The following DISP3 variants were observed in gnomAD, a reference collection of about 807,000 sequenced individuals.
DISP3 encodes the protein dispatched RND transporter family member 3.
Under a neutral mutation model 135.3 loss-of-function variants are expected in DISP3, and 101 were observed. The ratio of observed to expected loss-of-function variants is 0.75; its 90% CI spans 0.64 to 0.88. The LOEUF is 0.88. DISP3 is among the 40% of genes least tolerant of loss of function. DISP3 has a pLI of 0.00. For synonymous variants in DISP3, 856 were observed against 817.0 expected (o/e 1.05, Z -0.81); for missense variants, 1,713 against 1,878.6 (o/e 0.91, Z 1.63).
chr1:11,529,957 C>G lies in DISP3; in HGVS notation c.3100C>G (p.Pro1034Ala), dbSNP rs1198698179. The G allele has an allele frequency of 6.2e-7, 1 of 1,612,060 alleles. No homozygotes were observed. Among genetic ancestry groups the G allele is most frequent in the African/African-American group, 1.3e-5 (1 of 74,916 alleles). Residue 1034 changes from proline to alanine, a missense_variant and splice_region_variant, in exon 15 of 21, where the codon CCG becomes GCG. Around this residue, in one of 2 missense-constraint regions of DISP3, gnomAD observed 1,142 missense variants for 1,384.6 expected, o/e 0.82. Coordinates refer to ENST00000294484, the MANE Select transcript of DISP3 (RefSeq NM_020780.2). The surrounding 1 kb of genome is among the most constrained non-coding windows in gnomAD (Gnocchi z 4.7). ...RQVDNHVIGD[P>A]GSVVYDSSFD... Reference sequence around the variant, plus strand: ...GGTGGACAACCACGTCATTGGAGACCCGGTACGGGGCATGCGTCGGGCAGA... The same window carrying G: ...GGTGGACAACCACGTCATTGGAGACGCGGTACGGGGCATGCGTCGGGCAGA...
chr1:11,522,617 GACCCAGCCAGA>G lies in DISP3; in HGVS notation c.2363-1324_2363-1314del, dbSNP rs201389764. ...CAGGACCCAGCCAGAGCCCAGCCAG[GACCCAGCCAGA>G]GCCCAGCCAGAGCCCAGCCAGGGCC... On this transcript the variant is annotated intron_variant, in intron 10 of 20. Transcript: ENST00000294484. Among the ~76,000 whole-genome samples, 96 of 113,116 alleles carry G rather than the reference GACCCAGCCAGA, an allele frequency of 8.5e-4. 5 individuals are homozygous for G. The highest frequency in any genetic ancestry group is 4.1e-3 in the East Asian group (14 of 3,444). 74.2% of individuals were successfully genotyped at this position (113,116 alleles called of 152,430 possible). A position where few individuals can be genotyped will look rare whatever the true frequency, so the allele number is the denominator to read the frequency against.
At position 11,526,777 on chromosome 1, in the gene DISP3, C is replaced by A. The variant is rs374613319; in HGVS notation, c.2740C>A (p.Arg914=). ...MLTTLACDAK[R]GWKFDFSFYV... ...GACGACCTTGGCCTGTGATGCCAAG[C>A]GGGGCTGGAAGTTTGACTTCAGCTT... is the stretch of plus-strand genomic sequence containing the variant. Residue 914 remains arginine, a synonymous_variant, in exon 13 of 21, where the codon CGG becomes AGG. Coordinates refer to ENST00000294484, the MANE Select transcript of DISP3 (RefSeq NM_020780.2). 8.4e-5 allele frequency: 135 copies of A among 1,613,192 alleles called. No homozygotes were observed. In the African/African-American group the frequency reaches 1.6e-3, roughly 19 times the overall value.
rs774220295 is a variant in DISP3, at chr1:11,519,529, A to G, written c.2038+26A>G. The G allele has an allele frequency of 3.1e-6, 5 of 1,611,752 alleles. No individual in the cohort carries two copies. Among genetic ancestry groups the G allele is most frequent in the African/African-American group, 1.3e-5 (1 of 74,914 alleles). ...GTGAGAGCTGGCACAGGCCTGCCCT[A>G]CTGACCCCAGTGAGACCCAGCGCTG... On this transcript the variant is annotated intron_variant, in intron 8 of 20. Coordinates refer to ENST00000294484, the MANE Select transcript of DISP3 (RefSeq NM_020780.2). The surrounding 1 kb of genome is among the most constrained non-coding windows in gnomAD (Gnocchi z 4.3).
Position 11,533,689 on chromosome 1 carries a change from G to A in DISP3, c.3376-692G>A, listed in dbSNP as rs112668042. 1.0e-3 allele frequency: 701 copies of A among 679,428 alleles called. 3 individuals are homozygous for A. Among genetic ancestry groups the A allele is most frequent in the African/African-American group, 8.6e-3 (489 of 57,002 alleles). The allele number at this position is 679,428 out of a possible 1,614,324, so 42.1% of individuals were successfully genotyped here. ...AGTCCCCACTCAGGCTCACCACACG[G>A]CAAGGTGCCCGCTTCCAAGCTGACC... On this transcript the variant is annotated intron_variant, in intron 17 of 20. Transcript: ENST00000294484.
rs1281629948 is a variant in DISP3, at chr1:11,529,712, A to C, written c.2929+26A>C. 1 of 1,600,524 alleles carries C rather than the reference A, an allele frequency of 6.2e-7. No homozygotes were observed. The highest frequency in any genetic ancestry group is 2.2e-5 in the East Asian group (1 of 44,526). On this transcript the variant is annotated intron_variant, in intron 14 of 20. Coordinates refer to ENST00000294484, the MANE Select transcript of DISP3 (RefSeq NM_020780.2). The surrounding 1 kb of genome is among the most constrained non-coding windows in gnomAD (Gnocchi z 4.7). ...GTACGGCAAGGGCACACAGGTGGGG[A>C]CCTCAAGAGCTGAGACCTCGGGGCT...
intron 1 of DISP3, among the ~76,000 whole-genome samples, chr1:11,486,148 C>T (rs1010376812): frequency 2.0e-5 from 3 of 152,208 alleles, no homozygotes; most frequent in African/African-American, 7.2e-5. Flanking sequence ...ACGTTGCTGG[C>T]TTTCATCCAG....
chr1:11,486,420 G>A (rs540100232), intron 1 of DISP3, among the ~76,000 whole-genome samples: 1 of 152,262 alleles, frequency 6.6e-6, no homozygotes, highest in East Asian at 1.9e-4. Context: ...GGGGAAGCTG[G>A]GAAAAGGCTG....
chr1:11,509,891 G>A lies in DISP3; in HGVS notation c.1317-4499G>A, dbSNP rs576480620. Among the ~76,000 whole-genome samples, 4 of 152,246 alleles carry A rather than the reference G, an allele frequency of 2.6e-5. No homozygotes were observed. The East Asian group carries it at 7.7e-4, about 29-fold the overall frequency. ...CGAGGCAGGTGGATCCCAAGGTCAG[G>A]AAATCGAGACCAACATGGCTAACAT... is the stretch of plus-strand genomic sequence containing the variant. On this transcript the variant is annotated intron_variant, in intron 3 of 20. Transcript: ENST00000294484.
In DISP3 at chr1:11,531,459, G is replaced by T; in HGVS notation, c.3230-106G>T. 2 of 1,510,662 alleles carry T rather than the reference G, an allele frequency of 1.3e-6. No homozygotes were observed. Among genetic ancestry groups the T allele is most frequent in the Non-Finnish European group, 1.8e-6 (2 of 1,097,748 alleles). The allele number at this position is 1,510,662 out of a possible 1,614,324, so 93.6% of individuals were successfully genotyped here. A position where few individuals can be genotyped will look rare whatever the true frequency, so the allele number is the denominator to read the frequency against. On this transcript the variant is annotated intron_variant, in intron 16 of 20. Coordinates refer to ENST00000294484, the MANE Select transcript of DISP3 (RefSeq NM_020780.2). This position sits in a 1 kb window ranked among gnomAD's most constrained non-coding sequence, Gnocchi z 5.2. The stretch of plus-strand genomic sequence containing the variant: ...CCAATGCCGTTGCCAATGGTTACAA[G>T]CACTCTAAGCCTCAGAGGTATGTGA...
At chr1:11,523,911 C>G (rs548654340) in intron 10 of DISP3, 31 bp from the exon 11 acceptor site, 7 of 1,574,642 alleles carry the variant, frequency 4.4e-6, no homozygotes, top group Middle Eastern at 1.9e-4. Context: ...TCCTGCTGTC[C>G]TGCTGTCCTT....
In DISP3 at chr1:11,506,655, T is replaced by G. The variant is rs111638119; in HGVS notation, c.1316+3758T>G. Among the ~76,000 whole-genome samples the G allele has an allele frequency of 1.7e-3, 254 of 152,326 alleles. 4 individuals are homozygous for G. The South Asian group carries it at 0.033, about 20-fold the overall frequency. On this transcript the variant is annotated intron_variant, in intron 3 of 20. Coordinates refer to ENST00000294484, the MANE Select transcript of DISP3 (RefSeq NM_020780.2). ...TTAATTTTGTCCACATTTTCCTCTC[T>G]GTTCTTAAACATATTAATTATAGTG...
At chr1:11,535,411 C>G (rs2100520902) in intron 19 of DISP3, 67 bp from the exon 20 acceptor site, 1 of 1,532,966 alleles carries the variant, frequency 6.5e-7, no homozygotes. Flanking sequence ...GGACTCCAGA[C>G]CTCCCTGTTC....
chr1:11,535,618 G>A lies in DISP3; in HGVS notation c.3790G>A (p.Glu1264Lys), dbSNP rs369476814. Residue 1264 changes from glutamate (E) to lysine (K), a missense_variant, in exon 20 of 21, where the codon GAG becomes AAG. This residue lies in a region of DISP3 where 1,142 missense variants were observed against 1,384.6 expected (regional missense o/e 0.82). Transcript: ENST00000294484. The part of the protein sequence containing the change: ...HLVEGYLLAG[E>K]NLPPHQAEDA... ...GGTCGAGGGCTACCTGCTGGCTGGAGAGAACCTGCCCCCCCACCAGGCCGA... is the reference window on the plus strand; with the variant it reads ...GGTCGAGGGCTACCTGCTGGCTGGAAAGAACCTGCCCCCCCACCAGGCCGA... 7.4e-6 allele frequency: 12 copies of A among 1,612,814 alleles called. No homozygotes were observed. The highest frequency in any genetic ancestry group is 1.7e-5 in the Admixed American group (1 of 59,966).
intron 12 of DISP3, among the ~76,000 whole-genome samples, chr1:11,526,066 G>A (rs1642407062): frequency 6.6e-6 from 1 of 152,200 alleles, no homozygotes; most frequent in African/African-American, 2.4e-5. Flanking sequence ...CCTCCATGGT[G>A]ACAGGGACAC....
At chr1:11,511,436 C>A (rs1481924506) in intron 3 of DISP3, among the ~76,000 whole-genome samples, 2 of 152,156 alleles carry the variant, frequency 1.3e-5, no homozygotes, top group Non-Finnish European at 2.9e-5. Flanking sequence ...AGGGCCCATG[C>A]AAGTTTGAAA....
Position 11,531,785 on chromosome 1 carries a change from T to C in DISP3, c.3375+75T>C. ...TGTGCCACCTCTGATCCCAGCCCTC[T>C]TCCCAGATCGGGGGGGAGATGCTGA... On this transcript the variant is annotated intron_variant, in intron 17 of 20. Transcript: ENST00000294484. This position sits in a 1 kb window ranked among gnomAD's most constrained non-coding sequence, Gnocchi z 5.2. The C allele has an allele frequency of 6.6e-7, 1 of 1,508,754 alleles. No homozygotes were observed. The highest frequency in any genetic ancestry group is 8.8e-7 in the Non-Finnish European group (1 of 1,131,576). The allele number at this position is 1,508,754 out of a possible 1,614,324, so 93.5% of individuals were successfully genotyped here.
intron 11 of DISP3, among the ~76,000 whole-genome samples, chr1:11,524,852 G>C (rs58789791): frequency 1.6e-5 from 1 of 61,950 alleles, no homozygotes; most frequent in South Asian, 7.5e-4. Context: ...CCCCATCCCT[G>C]TGCCTATCTC....
intron 3 of DISP3, among the ~76,000 whole-genome samples, chr1:11,510,471 G>A (rs1463024182): frequency 2.0e-5 from 3 of 151,824 alleles, no homozygotes; most frequent in Admixed American, 6.6e-5. Context: ...TGGCCTTTAT[G>A]TTATTGTGGT....
At chr1:11,522,936 G>A (rs1160623104) in intron 10 of DISP3, among the ~76,000 whole-genome samples, 5 of 124,644 alleles carry the variant, frequency 4.0e-5, no homozygotes, top group Non-Finnish European at 6.8e-5. Flanking sequence ...ACCCAGCCAG[G>A]ACCCAGCCAG....
Sources: gnomAD v4.1 joint callset for allele counts (sites outside exome capture counted in the v4.1 genomes callset) on GRCh38, gnomAD v4.1.1 for gene constraint, gnomAD v4.1.1 regional missense constraint, Gnocchi (gnomAD v3.1) non-coding constraint, MANE v1.5 for transcripts, NCBI Gene and HGNC (gene_info 2026-07-23, HGNC 2026-07-21) for gene names.